SMAD9: variants seen among roughly 807,000 people sequenced by gnomAD.
The protein encoded by SMAD9 is SMAD family member 9, also known as MAD homolog 9.
In SMAD9, 36 loss-of-function variants were observed where a neutral mutation model predicts 46.1. That is an observed-to-expected ratio of 0.78 (90% CI 0.60 to 1.03). The LOEUF (loss-of-function observed/expected upper bound fraction) is 1.03. Among genes scored for constraint, SMAD9 ranks in the 50% least tolerant of loss-of-function variants. SMAD9 has a pLI of 0.00. For synonymous variants in SMAD9, 245 were observed against 237.1 expected (o/e 1.03, Z -0.31); for missense variants, 572 against 599.8 (o/e 0.95, Z 0.48).
intron 1 of SMAD9, among the ~76,000 whole-genome samples, chr13:36,903,205 C>A (rs1380539716): frequency 6.7e-6 from 1 of 149,398 alleles, no homozygotes; most frequent in African/African-American, 2.5e-5. Context: ...TAGCTCACTG[C>A]AACCTCCTCC....
At chr13:36,855,414 A>C (rs2058115020) in intron 5 of SMAD9, among the ~76,000 whole-genome samples, 1 of 152,168 alleles carries the variant, frequency 6.6e-6, no homozygotes, top group Admixed American at 6.5e-5. Flanking sequence ...AAAAAAATGA[A>C]GAAATTCTAG....
chr13:36,864,491 T>C (rs1566018145), intron 5 of SMAD9, among the ~76,000 whole-genome samples: 1 of 152,264 alleles, frequency 6.6e-6, no homozygotes, highest in Non-Finnish European at 1.5e-5. Context: ...ATGACATATC[T>C]GGATTCTTCT....
At chr13:36,915,473 C>G (rs537040648) in intron 1 of SMAD9, among the ~76,000 whole-genome samples, 12 of 152,028 alleles carry the variant, frequency 7.9e-5, no homozygotes, top group African/African-American at 2.9e-4. Context: ...ATTAAATTTC[C>G]CCAAGGGGAA....
intron 1 of SMAD9, among the ~76,000 whole-genome samples, chr13:36,891,971 G>A (rs938591954): frequency 6.6e-6 from 1 of 152,198 alleles, no homozygotes; most frequent in East Asian, 1.9e-4. Context: ...CTGTCCTGGA[G>A]TAAGGGTGAG....
chr13:36,894,522 C>T (rs573851816), intron 1 of SMAD9, among the ~76,000 whole-genome samples: 2 of 152,250 alleles, frequency 1.3e-5, no homozygotes, highest in Admixed American at 1.3e-4. Context: ...TACAACAACT[C>T]ATAAAGTTAC....
chr13:36,867,234 T>C (rs1224752626), intron 4 of SMAD9, 39 bp downstream of exon 4: 9 of 1,322,382 alleles, frequency 6.8e-6, no homozygotes, highest in Middle Eastern at 3.6e-4. Context: ...GAAATACTTT[T>C]GGAAAATAGC....
chr13:36,869,829 CAA>C (rs34654500), intron 3 of SMAD9, among the ~76,000 whole-genome samples: 8 of 143,210 alleles, frequency 5.6e-5, no homozygotes, highest in Non-Finnish European at 7.7e-5. Flanking sequence ...AACTCCATCT[CAA>C]AAAAAAAAAA....
chr13:36,855,159 T>C lies in SMAD9; in HGVS notation c.1004-1484A>G, dbSNP rs964405520. ...AAGTGGACATGGGGACACACGCTTG[T>C]AATCCCAGCTACTTGGGAGGCGGAG... On this transcript the variant is annotated intron_variant, in intron 5 of 6. Coordinates refer to ENST00000379826, the MANE Select transcript of SMAD9 (RefSeq NM_001127217.3). 3.5e-5 allele frequency among the ~76,000 whole-genome samples: 5 copies of C among 143,916 alleles called. No individual in the cohort carries two copies. In the East Asian group the frequency reaches 1.0e-3, roughly 30 times the overall value. 94.4% of individuals were successfully genotyped at this position (143,916 alleles called of 152,430 possible). A position where few individuals can be genotyped will look rare whatever the true frequency, so the allele number is the denominator to read the frequency against.
intron 5 of SMAD9, among the ~76,000 whole-genome samples, chr13:36,855,378 A>G (rs2058114621): frequency 6.6e-6 from 1 of 152,094 alleles, no homozygotes; most frequent in African/African-American, 2.4e-5. Context: ...ATTTAATATA[A>G]ATGTATAGCG....
chr13:36,912,336 G>A (rs528340153), intron 1 of SMAD9, among the ~76,000 whole-genome samples: 4 of 152,168 alleles, frequency 2.6e-5, no homozygotes, highest in Non-Finnish European at 5.9e-5. Flanking sequence ...TTAGGGAAGT[G>A]AAAGGTGGAG....
In SMAD9 at chr13:36,895,582, T is replaced by C. The variant is rs929759712; in HGVS notation, c.-186-15707A>G. On this transcript the variant is annotated intron_variant, in intron 1 of 6. Transcript: ENST00000379826. ...ACCACTGATATAGCATAAATCCTGA[T>C]TCTGCTCAATAATCACAAGATCTTT... Among the ~76,000 whole-genome samples, 6 of 152,350 alleles carry C rather than the reference T, an allele frequency of 3.9e-5. 1 individual carries two copies.
At chr13:36,866,497 C>G (rs1455380241) in intron 4 of SMAD9, among the ~76,000 whole-genome samples, 5 of 152,176 alleles carry the variant, frequency 3.3e-5, no homozygotes, top group Non-Finnish European at 7.3e-5. Context: ...CTCTGCCTTT[C>G]TAGTGATTGT....
Position 36,879,719 on chromosome 13 carries a change from G to A in SMAD9, c.-30C>T, listed in dbSNP as rs528536189. The A allele has an allele frequency of 4.2e-5, 68 of 1,612,090 alleles. No individual in the cohort carries two copies. The highest frequency in any genetic ancestry group is 4.1e-4 in the South Asian group (37 of 91,000). ...GGCCACAGCAGGCTCCGGCGCGCAC[G>A]GGAACCGCACAGCCCTTCACGGCAA... is the stretch of plus-strand genomic sequence containing the variant. On this transcript the variant is annotated 5_prime_UTR_variant, in exon 2 of 7. Transcript: ENST00000379826.
chr13:36,867,909 T>C (rs543294769), intron 3 of SMAD9, among the ~76,000 whole-genome samples: 1 of 152,284 alleles, frequency 6.6e-6, no homozygotes, highest in East Asian at 1.9e-4. Flanking sequence ...GTCCTGTGAC[T>C]GGACAGTGAT....
At position 36,920,214 on chromosome 13, in the gene SMAD9, G is replaced by GGCCCCAGCCGGCGTCA. The variant is rs2058734901; in HGVS notation, c.-301_-286dup. The GGCCCCAGCCGGCGTCA allele has an allele frequency of 6.7e-6, 1 of 149,532 alleles. No homozygotes were observed. Among genetic ancestry groups the GGCCCCAGCCGGCGTCA allele is most frequent in the Non-Finnish European group, 1.4e-5 (1 of 70,682 alleles). 9.3% of individuals were successfully genotyped at this position (149,532 alleles called of 1,614,324 possible). Reference sequence around the variant, plus strand: ...CGGCGGCGGCGGCGGCGGCGGCGGCGGCCCCAGCCGGCGTCAGTCAGACTG... The same window carrying GGCCCCAGCCGGCGTCA: ...CGGCGGCGGCGGCGGCGGCGGCGGCGGCCCCAGCCGGCGTCAGCCCCAGCCGGCGTCAGTCAGACTG... On this transcript the variant is annotated 5_prime_UTR_variant, in exon 1 of 7. Coordinates refer to ENST00000379826, the MANE Select transcript of SMAD9 (RefSeq NM_001127217.3).
chr13:36,908,591 A>G (rs1277765615), intron 1 of SMAD9, among the ~76,000 whole-genome samples: 1 of 152,224 alleles, frequency 6.6e-6, no homozygotes, highest in Non-Finnish European at 1.5e-5. Context: ...TTTACCTTAC[A>G]ATACACAACT....
intron 3 of SMAD9, among the ~76,000 whole-genome samples, chr13:36,869,918 T>C (rs9531987): frequency 0.22 from 32,907 of 152,184 alleles, 4,373 homozygotes; most frequent in Middle Eastern, 0.36. Context: ...CACTGAATTG[T>C]ACATTTGAAA....
intron 5 of SMAD9, among the ~76,000 whole-genome samples, chr13:36,858,711 A>AT (rs1390879497): frequency 6.6e-6 from 1 of 152,332 alleles, no homozygotes; most frequent in East Asian, 1.9e-4. Flanking sequence ...AATTTAGAAA[A>AT]TACAGACAGA....
chr13:36,907,841 A>G (rs943533414), intron 1 of SMAD9, among the ~76,000 whole-genome samples: 2 of 152,144 alleles, frequency 1.3e-5, no homozygotes, highest in Non-Finnish European at 2.9e-5. Context: ...ATTTTAATAA[A>G]CTCTAATTTT....
Sources: gnomAD v4.1 joint callset for allele counts (sites outside exome capture counted in the v4.1 genomes callset) on GRCh38, gnomAD v4.1.1 for gene constraint, MANE v1.5 for transcripts, NCBI Gene and HGNC (gene_info 2026-07-23, HGNC 2026-07-21) for gene names.